PRKG1: variants seen among roughly 807,000 people sequenced by gnomAD.
PRKG1 encodes the protein protein kinase cGMP-dependent 1, also known as cGMP-dependent protein kinase 1.
PRKG1 carries 35 observed loss-of-function variants against 88.1 expected under a neutral mutation model. The ratio of observed to expected loss-of-function variants is 0.40; its 90% CI spans 0.30 to 0.53. The LOEUF is 0.53. Among genes scored for constraint, PRKG1 ranks in the 20% least tolerant of loss-of-function variants. The pLI, the probability that PRKG1 is intolerant of heterozygous loss-of-function variation, is 0.59. For synonymous variants in PRKG1, 303 were observed against 292.5 expected (o/e 1.04, Z -0.37); for missense variants, 540 against 839.8 (o/e 0.64, Z 4.41).
intron 4 of PRKG1, among the ~76,000 whole-genome samples, chr10:51,820,947 A>T (rs1358492215): frequency 1.3e-5 from 2 of 152,204 alleles, no homozygotes; most frequent in African/African-American, 4.8e-5. Context: ...CATGTAAAAA[A>T]TACCAGCTCA....
intron 5 of PRKG1, among the ~76,000 whole-genome samples, chr10:52,031,199 A>G (rs1845466797): frequency 6.6e-6 from 1 of 152,194 alleles, no homozygotes; most frequent in African/African-American, 2.4e-5. Flanking sequence ...TCCTCCAAAT[A>G]CACAGGCTTG....
intron 5 of PRKG1, among the ~76,000 whole-genome samples, chr10:52,036,423 GA>G (rs757621091): frequency 1.3e-4 from 20 of 150,674 alleles, no homozygotes; most frequent in Middle Eastern, 3.4e-3. Context: ...GAATTGTAAG[GA>G]GAGTTTATAG....
At chr10:51,094,348 A>T (rs1844471589) in intron 1 of PRKG1, among the ~76,000 whole-genome samples, 1 of 152,148 alleles carries the variant, frequency 6.6e-6, no homozygotes, top group African/African-American at 2.4e-5. Flanking sequence ...TAATTAGGAA[A>T]CAAAATGGAA....
intron 2 of PRKG1, among the ~76,000 whole-genome samples, chr10:51,343,747 C>T (rs895093562): frequency 1.3e-5 from 2 of 152,064 alleles, no homozygotes; most frequent in Non-Finnish European, 2.9e-5. Flanking sequence ...AAGGTTGGCC[C>T]TCAATAAATA....
At chr10:52,122,727 G>A (rs1409777814) in intron 7 of PRKG1, among the ~76,000 whole-genome samples, 1 of 152,124 alleles carries the variant, frequency 6.6e-6, no homozygotes, top group Non-Finnish European at 1.5e-5. Flanking sequence ...ACCCTAACAA[G>A]AAAGAAACTA....
At chr10:51,997,267 T>C (rs936202845) in intron 5 of PRKG1, among the ~76,000 whole-genome samples, 1 of 151,686 alleles carries the variant, frequency 6.6e-6, no homozygotes, top group Non-Finnish European at 1.5e-5. Flanking sequence ...GGTCAAGAGA[T>C]TGAGCCCATC....
rs540491190 is a variant in PRKG1 at position 51,310,249 on chromosome 10, C to T, written c.478+156919C>T. The stretch of plus-strand genomic sequence containing the variant: ...TTGTACTTCTTAAATTTAAACCCCC[C>T]AAAAATTTCCTACAGTATCACTTGG... On this transcript the variant is annotated intron_variant, in intron 2 of 17. Transcript: ENST00000373980. 3.9e-5 allele frequency among the ~76,000 whole-genome samples: 6 copies of T among 152,252 alleles called. No homozygotes were observed. The South Asian group carries it at 1.2e-3, about 32-fold the overall frequency.
chr10:51,548,131 C>T (rs922565313), intron 3 of PRKG1, among the ~76,000 whole-genome samples: 1 of 152,048 alleles, frequency 6.6e-6, no homozygotes, highest in Non-Finnish European at 1.5e-5. Flanking sequence ...GAAAAAGACA[C>T]AGTGTTCCAG....
chr10:52,009,211 A>G (rs1420790569), intron 5 of PRKG1, among the ~76,000 whole-genome samples: 1 of 152,166 alleles, frequency 6.6e-6, no homozygotes, highest in Non-Finnish European at 1.5e-5. Context: ...ACATCCAAAT[A>G]GAAAGAGAGG....
chr10:51,541,416 TA>T (rs150094729), intron 3 of PRKG1, among the ~76,000 whole-genome samples: 2,538 of 152,274 alleles, frequency 0.017, 36 homozygotes, highest in Middle Eastern at 0.048. Context: ...AGGACTAAAG[TA>T]AACAGATAGA....
At chr10:52,106,376 T>C (rs1311375461) in intron 7 of PRKG1, among the ~76,000 whole-genome samples, 3 of 152,328 alleles carry the variant, frequency 2.0e-5, no homozygotes, top group African/African-American at 7.2e-5. Flanking sequence ...GTGTGTCCGA[T>C]GTGATATTTG....
intron 4 of PRKG1, among the ~76,000 whole-genome samples, chr10:51,817,747 A>C (rs1209230113): frequency 6.6e-6 from 1 of 152,228 alleles, no homozygotes; most frequent in Admixed American, 6.5e-5. Context: ...ATAAATGAGT[A>C]TGAAAAGTAG....
chr10:51,268,624 T>C (rs545785096), intron 2 of PRKG1, among the ~76,000 whole-genome samples: 1 of 152,304 alleles, frequency 6.6e-6, no homozygotes, highest in East Asian at 1.9e-4. Flanking sequence ...TGTTATCCTG[T>C]TCTTTTTTCA....
Position 51,864,457 on chromosome 10 carries a change from T to C in PRKG1, c.699-43050T>C, listed in dbSNP as rs145055016. Among the ~76,000 whole-genome samples the C allele has an allele frequency of 3.3e-5, 5 of 152,344 alleles. No homozygotes were observed. The East Asian group carries it at 9.6e-4, about 29-fold the overall frequency. On this transcript the variant is annotated intron_variant, in intron 4 of 17. Coordinates refer to ENST00000373980, the MANE Select transcript of PRKG1 (RefSeq NM_006258.4). ...GTTAGATAGTACCCAACACAGCATATCACATTTAAGCTAATCTGTTGACTC... is the reference window on the plus strand; with the variant it reads ...GTTAGATAGTACCCAACACAGCATACCACATTTAAGCTAATCTGTTGACTC...
chr10:51,323,721 C>T (rs141802181), intron 2 of PRKG1, among the ~76,000 whole-genome samples: 2 of 152,320 alleles, frequency 1.3e-5, no homozygotes, highest in African/African-American at 2.4e-5. Flanking sequence ...GTAATCCCAG[C>T]ACTTTGGGAA....
chr10:51,505,280 T>C (rs1197967429), intron 3 of PRKG1, among the ~76,000 whole-genome samples: 2 of 152,202 alleles, frequency 1.3e-5, no homozygotes, highest in African/African-American at 4.8e-5. Flanking sequence ...TGTTTATTGA[T>C]TTGCATATAT....
intron 3 of PRKG1, among the ~76,000 whole-genome samples, chr10:51,483,337 T>A (rs1239080867): frequency 6.6e-6 from 1 of 152,090 alleles, no homozygotes; most frequent in African/African-American, 2.4e-5. Context: ...GCCATTTCTA[T>A]TTTGGTGCCC....
intron 5 of PRKG1, among the ~76,000 whole-genome samples, chr10:51,950,749 C>A (rs1179161413): frequency 6.6e-6 from 1 of 152,278 alleles, no homozygotes; most frequent in Non-Finnish European, 1.5e-5. Context: ...CATGGAGCAG[C>A]TGCCCTTCAC....
chr10:51,028,956 C>G (rs1219726997), intron 1 of PRKG1, among the ~76,000 whole-genome samples: 3 of 152,062 alleles, frequency 2.0e-5, no homozygotes, highest in Non-Finnish European at 4.4e-5. Context: ...TTAAAAATAA[C>G]CAATAGCTTA....
Sources: allele counts gnomAD v4.1 joint callset (sites outside exome capture counted in the v4.1 genomes callset), GRCh38; gene constraint gnomAD v4.1.1; transcripts MANE v1.5; gene names NCBI Gene and HGNC (gene_info 2026-07-23, HGNC 2026-07-21).